The following KLHL29 variants were observed in gnomAD, a reference collection of about 807,000 sequenced individuals.
The protein encoded by KLHL29 is kelch like family member 29, also known as kelch-like protein 29.
A neutral mutation model predicts 80.4 loss-of-function variants in KLHL29; 21 were observed. The ratio of observed to expected loss-of-function variants is 0.26; its 90% CI spans 0.19 to 0.38. The LOEUF (loss-of-function observed/expected upper bound fraction) is 0.38. Among genes scored for constraint, KLHL29 ranks in the 10% least tolerant of loss-of-function variants. KLHL29 has a pLI of 1.00. For missense variants in KLHL29, 867 were observed against 1,223.9 expected (o/e 0.71, Z 4.35); for synonymous variants, 511 against 526.8 (o/e 0.97, Z 0.41).
intron 2 of KLHL29, among the ~76,000 whole-genome samples, chr2:23,529,348 A>G (rs1411719895): frequency 1.3e-5 from 2 of 152,136 alleles, no homozygotes; most frequent in Middle Eastern, 3.4e-3. Context: ...CTCCTGGCCT[A>G]AAGCAATCCT....
intron 1 of KLHL29, among the ~76,000 whole-genome samples, chr2:23,423,195 T>C (rs1386935232): frequency 6.6e-6 from 1 of 152,182 alleles, no homozygotes; most frequent in Non-Finnish European, 1.5e-5. Flanking sequence ...CTGTTCTTTT[T>C]TCCCTGCGAA....
intron 2 of KLHL29, among the ~76,000 whole-genome samples, chr2:23,529,985 C>T (rs188546716): frequency 5.9e-5 from 9 of 152,330 alleles, no homozygotes; most frequent in South Asian, 2.1e-4. Context: ...CCATCAGGAC[C>T]GGCTCAGCTG....
At position 23,521,955 on chromosome 2, in the gene KLHL29, C is replaced by A. The variant is rs181029967; in HGVS notation, c.-45-40197C>A. On this transcript the variant is annotated intron_variant, in intron 2 of 13. Coordinates refer to ENST00000486442, the MANE Select transcript of KLHL29 (RefSeq NM_052920.2). ...AAGTTTGTGCACCTGCTTTTCACAG[C>A]CTTTCTGCATCTCCCCTTATTCTCA... Among the ~76,000 whole-genome samples the A allele has an allele frequency of 9.2e-5, 14 of 152,300 alleles. No individual in the cohort carries two copies. In the East Asian group the frequency reaches 2.7e-3, roughly 29 times the overall value.
At chr2:23,701,033 T>TCTGA (rs144041441) in intron 11 of KLHL29, among the ~76,000 whole-genome samples, 15,088 of 152,168 alleles carry the variant, frequency 0.099, 840 homozygotes, top group Middle Eastern at 0.17. Context: ...CACCCAAATA[T>TCTGA]CTGACTGTCT....
At chr2:23,618,587 C>G (rs1287943059) in intron 3 of KLHL29, among the ~76,000 whole-genome samples, 1 of 152,176 alleles carries the variant, frequency 6.6e-6, no homozygotes, top group Non-Finnish European at 1.5e-5. Flanking sequence ...AGCCTGCAGG[C>G]TTTTGGACTG....
At chr2:23,479,760 C>G (rs555736856) in intron 2 of KLHL29, among the ~76,000 whole-genome samples, 1 of 152,350 alleles carries the variant, frequency 6.6e-6, no homozygotes, top group African/African-American at 2.4e-5. Flanking sequence ...CTCCCTCCCT[C>G]CCTTAGCCAT....
intron 5 of KLHL29, among the ~76,000 whole-genome samples, chr2:23,655,095 A>G (rs1247502495): frequency 2.0e-5 from 3 of 152,060 alleles, no homozygotes; most frequent in African/African-American, 4.8e-5. Flanking sequence ...GGCTGGGTGG[A>G]TGGATGGGTG....
At chr2:23,492,661 T>C (rs187690885) in intron 2 of KLHL29, among the ~76,000 whole-genome samples, 1 of 152,336 alleles carries the variant, frequency 6.6e-6, no homozygotes, top group Non-Finnish European at 1.5e-5. Context: ...CTGATGCTTA[T>C]ATGAATATAA....
intron 2 of KLHL29, among the ~76,000 whole-genome samples, chr2:23,497,896 A>G (rs763660400): frequency 5.3e-5 from 8 of 152,210 alleles, no homozygotes; most frequent in Non-Finnish European, 8.8e-5. Flanking sequence ...GGTAGAAAGT[A>G]TTCAAGGAGA....
intron 1 of KLHL29, among the ~76,000 whole-genome samples, chr2:23,395,484 C>A (rs965725409): frequency 1.3e-5 from 2 of 152,188 alleles, no homozygotes; most frequent in Admixed American, 6.5e-5. Flanking sequence ...TGGTGGCTCA[C>A]GCCTGTGATC....
At position 23,696,337 on chromosome 2, in the gene KLHL29, G is replaced by A. The variant is rs61744252; in HGVS notation, c.1929G>A (p.Gly643=). 58,000 of 1,551,396 alleles carry A rather than the reference G, an allele frequency of 0.037. 1,250 individuals are homozygous for A. The highest frequency in any genetic ancestry group is 0.078 in the South Asian group (6,515 of 84,046). The change falls in exon 11 of 14, where the codon GGG becomes GGA. Residue 643 remains glycine (G), a synonymous_variant. Transcript: ENST00000486442. This position sits in a 1 kb window ranked among gnomAD's most constrained non-coding sequence, Gnocchi z 5.5. ...TGCCTCCCACACTGCCTCCAGGTGG[G>A]ATGGAATCAGGGGTGACGCTGGCTG... ...SAGDNIYLSG[G]MESGVTLADV...
intron 3 of KLHL29, among the ~76,000 whole-genome samples, chr2:23,597,251 C>A (rs565037232): frequency 7.2e-6 from 1 of 139,582 alleles, no homozygotes; most frequent in African/African-American, 2.7e-5. Flanking sequence ...AAACTTGCTA[C>A]GTGTCTGTTC....
intron 1 of KLHL29, among the ~76,000 whole-genome samples, chr2:23,458,298 CTG>C (rs1225481492): frequency 6.6e-6 from 1 of 152,238 alleles, no homozygotes; most frequent in Non-Finnish European, 1.5e-5. Context: ...GGCTGGCAGA[CTG>C]TTTCTATAAA....
At chr2:23,474,211 C>T (rs555233248) in intron 1 of KLHL29, among the ~76,000 whole-genome samples, 1 of 152,270 alleles carries the variant, frequency 6.6e-6, no homozygotes, top group African/African-American at 2.4e-5. Context: ...CTCATGTATT[C>T]CCAGTGCCTT....
intron 2 of KLHL29, among the ~76,000 whole-genome samples, chr2:23,553,889 G>C (rs1299236213): frequency 6.6e-6 from 1 of 152,248 alleles, no homozygotes; most frequent in Non-Finnish European, 1.5e-5. Context: ...AACTCACACA[G>C]GGAGTAGAAC....
At chr2:23,705,082 G>A (rs868620276) in intron 13 of KLHL29, among the ~76,000 whole-genome samples, 2 of 152,256 alleles carry the variant, frequency 1.3e-5, no homozygotes, top group African/African-American at 4.8e-5. Flanking sequence ...TCCATGTCAT[G>A]TACCCTAATG....
At chr2:23,497,840 C>T (rs1038065120) in intron 2 of KLHL29, among the ~76,000 whole-genome samples, 2 of 152,110 alleles carry the variant, frequency 1.3e-5, no homozygotes, top group Non-Finnish European at 2.9e-5. Context: ...GGAAACCAAC[C>T]GTATGGATGC....
At chr2:23,525,223 G>A (rs993630312) in intron 2 of KLHL29, among the ~76,000 whole-genome samples, 1 of 152,228 alleles carries the variant, frequency 6.6e-6, no homozygotes, top group South Asian at 2.1e-4. Flanking sequence ...TACAGGCTAA[G>A]GCCAGGCCCA....
At chr2:23,570,191 C>T (rs1572407546) in intron 3 of KLHL29, among the ~76,000 whole-genome samples, 2 of 152,350 alleles carry the variant, frequency 1.3e-5, no homozygotes, top group East Asian at 3.9e-4. Context: ...CATCTGTATG[C>T]ACTCAGAGAC....
Sources: gnomAD v4.1 joint callset for allele counts (sites outside exome capture counted in the v4.1 genomes callset) on GRCh38, gnomAD v4.1.1 for gene constraint, Gnocchi (gnomAD v3.1) non-coding constraint, MANE v1.5 for transcripts, NCBI Gene and HGNC (gene_info 2026-07-23, HGNC 2026-07-21) for gene names.